Variants in CPVL observed in about 807,000 individuals in gnomAD.
CPVL encodes the protein carboxypeptidase vitellogenic like.
In CPVL, 51 loss-of-function variants were observed where a neutral mutation model predicts 63.7. That is an observed-to-expected ratio of 0.80 (90% CI 0.64 to 1.01). The LOEUF is 1.01. CPVL is among the 50% of genes least tolerant of loss of function. The pLI is 0.00. For missense variants in CPVL, 530 were observed against 573.1 expected, an observed-to-expected ratio of 0.92 and a Z score of 0.77; for synonymous variants, 195 against 206.0, an observed-to-expected ratio of 0.95 and a Z score of 0.46.
intron 3 of CPVL, among the ~76,000 whole-genome samples, chr7:29,109,021 T>C (rs1051332635): frequency 3.3e-5 from 5 of 152,192 alleles, no homozygotes; most frequent in Admixed American, 3.3e-4. Context: ...AATCTCTTCA[T>C]CTATAAAATG....
chr7:29,129,737 G>T (rs2128655812), intron 1 of CPVL, among the ~76,000 whole-genome samples: 1 of 152,226 alleles, frequency 6.6e-6, no homozygotes, highest in African/African-American at 2.4e-5. Context: ...AAAGTGCTGG[G>T]ATTACAGGTG....
chr7:29,061,277 G>A (rs897562204), intron 11 of CPVL, among the ~76,000 whole-genome samples: 2 of 152,108 alleles, frequency 1.3e-5, no homozygotes, highest in African/African-American at 2.4e-5. Context: ...GCCAGGCATG[G>A]TGGCATGTGC....
At chr7:29,174,115 G>C (rs1796954630) in intron 5 of CPVL, among the ~76,000 whole-genome samples, 1 of 152,066 alleles carries the variant, frequency 6.6e-6, no homozygotes, top group Admixed American at 6.5e-5. Flanking sequence ...ACTAGGGCAG[G>C]GCAAAAGGCT....
chr7:29,077,256 G>T (rs748096003), intron 7 of CPVL, among the ~76,000 whole-genome samples: 1 of 151,844 alleles, frequency 6.6e-6, no homozygotes, highest in Non-Finnish European at 1.5e-5. Flanking sequence ...AGTTACTATT[G>T]TTTCAGCTAC....
chr7:29,037,350 C>G (rs1485355438), intron 11 of CPVL, among the ~76,000 whole-genome samples: 1 of 151,634 alleles, frequency 6.6e-6, no homozygotes, highest in Admixed American at 6.6e-5. Context: ...GGAGACCATC[C>G]TGGCTAACAC....
intron 7 of CPVL, among the ~76,000 whole-genome samples, chr7:29,075,414 G>T (rs1784140695): frequency 6.6e-6 from 1 of 151,406 alleles, no homozygotes; most frequent in Non-Finnish European, 1.5e-5. Flanking sequence ...TCATTCACAT[G>T]CCTGGCTGGA....
chr7:28,996,045 G>T, intron 12 of CPVL, 163 bp from the exon 13 acceptor site: 1 of 506,692 alleles, frequency 2.0e-6, no homozygotes, highest in Non-Finnish European at 3.4e-6. Context: ...GCTGTTGATG[G>T]CTTTTGTAAC....
chr7:29,016,735 G>A (rs1583994315), intron 12 of CPVL, among the ~76,000 whole-genome samples: 1 of 152,262 alleles, frequency 6.6e-6, no homozygotes, highest in East Asian at 1.9e-4. Context: ...GGAAGTGCCA[G>A]GGACGCCAGC....
intron 11 of CPVL, among the ~76,000 whole-genome samples, chr7:29,047,637 C>CT (rs1789754415): frequency 1.3e-5 from 2 of 152,294 alleles, no homozygotes; most frequent in South Asian, 4.1e-4. Flanking sequence ...TCGAGGAAAA[C>CT]TTCCCTGGCC....
At chr7:29,163,037 T>C (rs1795398643) in intron 5 of CPVL, among the ~76,000 whole-genome samples, 1 of 152,248 alleles carries the variant, frequency 6.6e-6, no homozygotes, top group Non-Finnish European at 1.5e-5. Flanking sequence ...GTTTTGATAA[T>C]GAACTATAGT....
At chr7:29,004,595 G>A (rs1417411610) in intron 12 of CPVL, among the ~76,000 whole-genome samples, 1 of 152,196 alleles carries the variant, frequency 6.6e-6, no homozygotes, top group Non-Finnish European at 1.5e-5. Flanking sequence ...TTAAGAGCAC[G>A]GACTTGGGAT....
intron 3 of CPVL, among the ~76,000 whole-genome samples, chr7:29,107,451 A>G (rs1787832217): frequency 1.3e-5 from 2 of 152,246 alleles, no homozygotes; most frequent in Non-Finnish European, 2.9e-5. Flanking sequence ...GCAATCCACT[A>G]GGTTTAACAT....
intron 2 of CPVL, among the ~76,000 whole-genome samples, chr7:29,115,393 A>AAG (rs1788679884): frequency 1.3e-5 from 2 of 152,152 alleles, no homozygotes; most frequent in Non-Finnish European, 2.9e-5. Flanking sequence ...GCCAGAGAAA[A>AAG]AGAGAGAGAG....
intron 12 of CPVL, chr7:29,009,825 C>A (rs555156842): frequency 6.6e-6 from 1 of 152,094 alleles, no homozygotes; most frequent in Non-Finnish European, 1.5e-5. Context: ...TTTTTTAAAC[C>A]AGCTGGTGAG....
At chr7:29,151,496 A>G (rs950340461), upstream of CPVL, among the ~76,000 whole-genome samples, 24 of 152,196 alleles carry the variant, frequency 1.6e-4, no homozygotes, top group African/African-American at 5.3e-4. Flanking sequence ...CATGGCCACT[A>G]AGGACAGCTG....
At chr7:29,016,852 A>G (rs1242767099) in intron 12 of CPVL, among the ~76,000 whole-genome samples, 1 of 152,176 alleles carries the variant, frequency 6.6e-6, no homozygotes, top group African/African-American at 2.4e-5. Flanking sequence ...CACGACCTCT[A>G]TTTCAGGACT....
intron 11 of CPVL, among the ~76,000 whole-genome samples, chr7:29,034,551 C>T (rs547606271): frequency 6.6e-6 from 1 of 152,234 alleles, no homozygotes; most frequent in East Asian, 1.9e-4. Context: ...TTAAGCCCAG[C>T]ATCCATTACC....
At chr7:29,084,795 T>C (rs556962009) in intron 7 of CPVL, among the ~76,000 whole-genome samples, 1 of 152,370 alleles carries the variant, frequency 6.6e-6, no homozygotes, top group South Asian at 2.1e-4. Flanking sequence ...ATTATAGGTG[T>C]GTAGTGAGAT....
At chr7:29,064,708 C>T (rs1782971509) in intron 10 of CPVL, among the ~76,000 whole-genome samples, 2 of 152,062 alleles carry the variant, frequency 1.3e-5, no homozygotes, top group African/African-American at 4.8e-5. Flanking sequence ...AAACCACACA[C>T]ATGTATACAT....
Sources: allele counts gnomAD v4.1 joint callset (sites outside exome capture counted in the v4.1 genomes callset), GRCh38; gene constraint gnomAD v4.1.1; transcripts MANE v1.5; gene names NCBI Gene and HGNC (gene_info 2026-07-23, HGNC 2026-07-21).